The following IBSP variants were observed in gnomAD, a reference collection of about 807,000 sequenced individuals.
IBSP encodes integrin binding sialoprotein, also known as integrin-binding sialoprotein.
Under a neutral mutation model 25.5 loss-of-function variants are expected in IBSP, and 19 were observed. That is an observed-to-expected ratio of 0.74 (90% confidence interval 0.52 to 1.09). The LOEUF (loss-of-function observed/expected upper bound fraction) is 1.09, where lower values mean the gene tolerates loss of function less well. Among genes scored for constraint, IBSP ranks in the 50% least tolerant of loss-of-function variants. IBSP has a pLI of 0.00. For synonymous variants in IBSP, 144 were observed against 137.6 expected, an observed-to-expected ratio of 1.05 and a Z score of -0.33; for missense variants, 360 against 382.3, an observed-to-expected ratio of 0.94 and a Z score of 0.49.
intron 6 of IBSP, 130 bp downstream of exon 6, chr4:87,810,894 A>C (rs1429238725): frequency 2.8e-6 from 2 of 708,660 alleles, no homozygotes; most frequent in Non-Finnish European, 4.5e-6. Flanking sequence ...ATTTTATACT[A>C]TCTTCATTAA....
Position 87,811,451 on chromosome 4 carries a change from C to A in IBSP, c.495C>A (p.Ser165Arg), listed in dbSNP as rs200405481. 108 of 1,613,218 alleles carry A rather than the reference C, an allele frequency of 6.7e-5. No homozygotes were observed. Among genetic ancestry groups the A allele is most frequent in the Non-Finnish European group, 9.0e-5 (106 of 1,179,686 alleles). Residue 165 changes from serine (S) to arginine (R), a missense_variant, in exon 7 of 7, where the codon AGC becomes AGA. Ser to Arg is a moderately radical substitution (Grantham distance 110). Transcript: ENST00000226284. ...EEEEGNENEE[S>R]EAEVDENEQG... is the part of the protein sequence containing the mutation. ...AGGAAGGAAATGAAAACGAAGAAAG[C>A]GAAGCAGAAGTGGATGAAAACGAAC...
In IBSP at chr4:87,799,996, A is replaced by C. The variant is rs114121833; in HGVS notation, c.-15+363A>C. On this transcript the variant is annotated intron_variant, in intron 1 of 6. Transcript: ENST00000226284. ...GCTAGATATATGCATATTTCTCTAC[A>C]AATTATACCTAGTCTGTACTTCAAG... Among the ~76,000 whole-genome samples, 1,454 of 152,320 alleles carry C rather than the reference A, an allele frequency of 9.5e-3. 7 individuals carry two copies. Among genetic ancestry groups the C allele is most frequent in the Non-Finnish European group, 0.016 (1,066 of 68,022 alleles).
intron 1 of IBSP, among the ~76,000 whole-genome samples, chr4:87,801,438 A>C (rs1722013834): frequency 6.6e-6 from 1 of 150,410 alleles, no homozygotes; most frequent in Non-Finnish European, 1.5e-5. Context: ...TATATTATGG[A>C]TCCTCTCTGT....
intron 5 of IBSP, among the ~76,000 whole-genome samples, chr4:87,808,371 T>C (rs984793068): frequency 7.2e-5 from 11 of 152,052 alleles, no homozygotes; most frequent in South Asian, 2.1e-4. Context: ...TTAGTAGAGA[T>C]GGGGTTTCAC....
Position 87,811,579 on chromosome 4 carries a change from G to C in IBSP, c.623G>C (p.Gly208Ala). The C allele has an allele frequency of 2.5e-6, 4 of 1,613,668 alleles. No homozygotes were observed. Among genetic ancestry groups the C allele is most frequent in the Non-Finnish European group, 3.4e-6 (4 of 1,179,874 alleles). The change falls in exon 7 of 7, where the codon GGA becomes GCA. Residue 208 changes from glycine to alanine, a missense_variant. Coordinates refer to ENST00000226284, the MANE Select transcript of IBSP (RefSeq NM_004967.4). Reference sequence around the variant, plus strand: ...GAAGGGGAAGAAGAAAGTGTCACTGGAGCCAATGCAGAAGACACCACAGAG... The same window carrying C: ...GAAGGGGAAGAAGAAAGTGTCACTGCAGCCAATGCAGAAGACACCACAGAG... ...GEEGEEESVT[G>A]ANAEDTTETG...
At chr4:87,805,066 A>T (rs1325152868) in intron 4 of IBSP, among the ~76,000 whole-genome samples, 18 of 152,152 alleles carry the variant, frequency 1.2e-4, no homozygotes, top group Admixed American at 1.2e-3. Flanking sequence ...TCGAGGTGAC[A>T]AGCATTCCCT....
In IBSP at chr4:87,811,751, C is replaced by G. The variant is rs1195228201; in HGVS notation, c.795C>G (p.Tyr265Ter). 1 of 1,613,998 alleles carries G rather than the reference C, an allele frequency of 6.2e-7. No individual in the cohort carries two copies. Among genetic ancestry groups the G allele is most frequent in the South Asian group, 1.1e-5 (1 of 91,048 alleles). ...TTGAATACGAGGGGGAGTACGAATA[C>G]ACGGGCGCCAATGAATACGACAATG... is the stretch of plus-strand genomic sequence containing the variant. Reference protein sequence around the residue: ...TTVEYEGEYEYTGANEYDNGY... With the variant: ...TTVEYEGEYE Residue 265 changes from tyrosine (Y) to a stop codon, truncating the protein, a stop_gained, in exon 7 of 7, where the codon TAC becomes TAG. Transcript: ENST00000226284. LOFTEE classifies it high-confidence loss of function.
chr4:87,801,781 T>C (rs923747321), intron 1 of IBSP, among the ~76,000 whole-genome samples: 10 of 152,030 alleles, frequency 6.6e-5, no homozygotes, highest in African/African-American at 2.2e-4. Flanking sequence ...GGCCTACTGG[T>C]GTGCACCACC....
intron 1 of IBSP, among the ~76,000 whole-genome samples, chr4:87,800,975 T>C (rs1255180513): frequency 1.3e-5 from 2 of 152,204 alleles, no homozygotes; most frequent in Non-Finnish European, 2.9e-5. Context: ...TGTAAATGGC[T>C]GAGTGTTAGT....
At chr4:87,801,926 C>G (rs2110055786) in intron 1 of IBSP, among the ~76,000 whole-genome samples, 1 of 152,256 alleles carries the variant, frequency 6.6e-6, no homozygotes, top group South Asian at 2.1e-4. Context: ...CATGAGCCAC[C>G]ATACCTGGTC....
chr4:87,802,605 T>A lies in IBSP; in HGVS notation c.105+47T>A, dbSNP rs376863752. On this transcript the variant is annotated intron_variant, in intron 3 of 6. Transcript: ENST00000226284. ...CCTTGGCCTGATTATACTTGCTGTA[T>A]ATTTATTGCATATTAAACATGAATA... 74 of 1,570,332 alleles carry A rather than the reference T, an allele frequency of 4.7e-5. 2 individuals are homozygous for A. The South Asian group carries it at 7.4e-4, about 16-fold the overall frequency.
In IBSP at chr4:87,802,434, C is replaced by A; in HGVS notation, c.54+19C>A. ...TTTCTCAGTAAGTTCTTTATCAAAA[C>A]CCACAGTTATTTTCAGTTTTGTCTT... is the stretch of plus-strand genomic sequence containing the variant. On this transcript the variant is annotated intron_variant, in intron 2 of 6. Transcript: ENST00000226284. 2 of 1,603,038 alleles carry A rather than the reference C, an allele frequency of 1.2e-6. No homozygotes were observed. Among genetic ancestry groups the A allele is most frequent in the Non-Finnish European group, 1.7e-6 (2 of 1,175,476 alleles).
intron 5 of IBSP, among the ~76,000 whole-genome samples, chr4:87,809,260 A>T (rs1236490872): frequency 6.6e-6 from 1 of 152,248 alleles, no homozygotes; most frequent in African/African-American, 2.4e-5. Flanking sequence ...GCAGCGGAAC[A>T]TCCTTAAATA....
intron 1 of IBSP, among the ~76,000 whole-genome samples, chr4:87,800,744 T>C (rs954256996): frequency 1.3e-5 from 2 of 152,198 alleles, no homozygotes; most frequent in Non-Finnish European, 2.9e-5. Flanking sequence ...CAGGACTTAG[T>C]GTCAGATACT....
chr4:87,808,968 G>A (rs915098363), intron 5 of IBSP, among the ~76,000 whole-genome samples: 1 of 152,128 alleles, frequency 6.6e-6, no homozygotes, highest in African/African-American at 2.4e-5. Context: ...ACCTAAAAGT[G>A]AAATTTCGGA....
chr4:87,800,201 A>G (rs1394653074), intron 1 of IBSP, among the ~76,000 whole-genome samples: 2 of 152,270 alleles, frequency 1.3e-5, no homozygotes, highest in African/African-American at 4.8e-5. Flanking sequence ...GAATGTTTGA[A>G]TTGTTGTCTG....
Position 87,806,152 on chromosome 4 carries a change from G to T in IBSP, c.214G>T (p.Asp72Tyr). 1 of 1,611,966 alleles carries T rather than the reference G, an allele frequency of 6.2e-7. No homozygotes were observed. Among genetic ancestry groups the T allele is most frequent in the Non-Finnish European group, 8.5e-7 (1 of 1,179,208 alleles). ...TAGTGACTCATCCGAAGAAAATGGA[G>T]ATGACAGTTCAGAAGAGGAGGAGGA... is the stretch of plus-strand genomic sequence containing the variant. Reference protein sequence around the residue: ...GSSDSSEENGDDSSEEEEEEE... With the variant: ...GSSDSSEENGYDSSEEEEEEE... The change falls in exon 5 of 7, where the codon GAT (aspartate) becomes TAT (tyrosine). Residue 72 changes from aspartate to tyrosine, a missense_variant. Physicochemically the swap from Asp to Tyr is radical, Grantham distance 160. Coordinates refer to ENST00000226284, the MANE Select transcript of IBSP (RefSeq NM_004967.4).
At chr4:87,802,768 C>A (rs1352180682) in intron 4 of IBSP, 37 bp downstream of exon 4, 3 of 1,329,914 alleles carry the variant, frequency 2.3e-6, no homozygotes, top group Non-Finnish European at 3.0e-6. Context: ...AGTTTAATTT[C>A]TATTATAATT....
chr4:87,808,023 ATC>A (rs1722113182), intron 5 of IBSP, among the ~76,000 whole-genome samples: 1 of 152,186 alleles, frequency 6.6e-6, no homozygotes, highest in African/African-American at 2.4e-5. Flanking sequence ...ATTCTGAAAC[ATC>A]TTTTTTCCTC....
Sources: allele counts gnomAD v4.1 joint callset (sites outside exome capture counted in the v4.1 genomes callset), GRCh38; gene constraint gnomAD v4.1.1; transcripts MANE v1.5; gene names NCBI Gene and HGNC (gene_info 2026-07-23, HGNC 2026-07-21).